NGEF: variants seen among roughly 807,000 people sequenced by gnomAD.
NGEF encodes the protein neuronal guanine nucleotide exchange factor.
NGEF carries 31 observed loss-of-function variants against 80.9 expected under a neutral mutation model. The ratio of observed to expected loss-of-function variants is 0.38; its 90% CI spans 0.29 to 0.52. NGEF has a LOEUF of 0.52. Among genes scored for constraint, NGEF ranks in the 20% least tolerant of loss-of-function variants. The pLI is 0.84. For synonymous variants in NGEF, 371 were observed against 370.2 expected, an observed-to-expected ratio of 1.00 and a Z score of -0.03; for missense variants, 709 against 926.2, an observed-to-expected ratio of 0.77 and a Z score of 3.04.
intron 5 of NGEF, among the ~76,000 whole-genome samples, chr2:232,915,103 G>A (rs1323560994): frequency 2.6e-5 from 4 of 151,842 alleles, no homozygotes; most frequent in Non-Finnish European, 5.9e-5. Flanking sequence ...AGTAACCCCA[G>A]ACCCTCCTGG....
chr2:232,991,918 A>C (rs886456841), intron 1 of NGEF, among the ~76,000 whole-genome samples: 16 of 152,198 alleles, frequency 1.1e-4, no homozygotes, highest in African/African-American at 3.9e-4. Flanking sequence ...TCCATAAATA[A>C]ACTCATACAT....
intron 3 of NGEF, among the ~76,000 whole-genome samples, chr2:232,949,043 C>CA (rs143206265): frequency 3.3e-5 from 5 of 151,564 alleles, no homozygotes; most frequent in African/African-American, 7.3e-5. Context: ...AAAAAACAAA[C>CA]AAAAAAAACC....
intron 1 of NGEF, among the ~76,000 whole-genome samples, chr2:232,978,611 C>T (rs2106326380): frequency 6.6e-6 from 1 of 152,310 alleles, no homozygotes; most frequent in South Asian, 2.1e-4. Flanking sequence ...CCACCACCAC[C>T]ACCAAGATAC....
chr2:232,886,366 C>T lies in NGEF; in HGVS notation c.1348-997G>A, dbSNP rs116934712. 9.3e-5 allele frequency among the ~76,000 whole-genome samples: 14 copies of T among 150,976 alleles called. No homozygotes were observed. The East Asian group carries it at 2.3e-3, about 25-fold the overall frequency. ...TGTGTGATGAGGGGCCATGTGTGTG[C>T]GGTGTGTATTGTGTGTGATATGTAT... On this transcript the variant is annotated intron_variant, in intron 9 of 14. Transcript: ENST00000264051.
At chr2:233,000,043 A>G (rs1471845370) in intron 1 of NGEF, among the ~76,000 whole-genome samples, 1 of 152,232 alleles carries the variant, frequency 6.6e-6, no homozygotes, top group Non-Finnish European at 1.5e-5. Flanking sequence ...CTGTAAGTCC[A>G]AGACCAGGGG....
At chr2:232,974,523 C>G (rs1209187992) in intron 2 of NGEF, 100 bp downstream of exon 2, 2 of 1,389,322 alleles carry the variant, frequency 1.4e-6, no homozygotes, top group Non-Finnish European at 2.0e-6. Context: ...TGGTACTTTT[C>G]AATGCCACTT....
At chr2:232,972,955 C>G (rs1241817437) in intron 2 of NGEF, among the ~76,000 whole-genome samples, 1 of 152,016 alleles carries the variant, frequency 6.6e-6, no homozygotes, top group African/African-American at 2.4e-5. Context: ...TGGAGTTTCA[C>G]CATGTTGGCC....
At position 232,970,169 on chromosome 2, in the gene NGEF, G is replaced by T. The variant is rs561114152; in HGVS notation, c.383+45C>A. On this transcript the variant is annotated intron_variant, in intron 3 of 14. Transcript: ENST00000264051. Reference sequence around the variant, plus strand: ...AGTCTTTGCAGCAATGACCTCTGATGCATCTTTCCCAGACCAGCATTCCTC... The same window carrying T: ...AGTCTTTGCAGCAATGACCTCTGATTCATCTTTCCCAGACCAGCATTCCTC... The T allele has an allele frequency of 1.3e-4, 148 of 1,118,828 alleles. 1 individual carries two copies. In the South Asian group the frequency reaches 1.7e-3, roughly 13 times the overall value. The allele number at this position is 1,118,828 out of a possible 1,614,324, so 69.3% of individuals were successfully genotyped here.
At chr2:232,954,190 C>G (rs1490814271) in intron 3 of NGEF, among the ~76,000 whole-genome samples, 2 of 152,068 alleles carry the variant, frequency 1.3e-5, no homozygotes. Flanking sequence ...CCCTCTCAAG[C>G]TGGGCCCTGG....
intron 3 of NGEF, among the ~76,000 whole-genome samples, chr2:232,956,711 G>T (rs1030103806): frequency 2.0e-5 from 3 of 149,404 alleles, no homozygotes; most frequent in Non-Finnish European, 3.0e-5. Flanking sequence ...GGAGGTGGAG[G>T]TTGCAGTGAG....
chr2:232,920,054 G>A (rs997064524), intron 5 of NGEF, among the ~76,000 whole-genome samples: 2 of 152,356 alleles, frequency 1.3e-5, no homozygotes, highest in South Asian at 4.1e-4. Context: ...AGACAGCAAT[G>A]CTTCAGACGC....
At chr2:232,923,750 C>T (rs527864150) in intron 4 of NGEF, among the ~76,000 whole-genome samples, 1 of 152,250 alleles carries the variant, frequency 6.6e-6, no homozygotes, top group South Asian at 2.1e-4. Context: ...TTCCTTGCCC[C>T]TTGCTAGTAG....
chr2:232,992,210 A>G (rs531007032), intron 1 of NGEF, among the ~76,000 whole-genome samples: 1 of 152,190 alleles, frequency 6.6e-6, no homozygotes, highest in Non-Finnish European at 1.5e-5. Flanking sequence ...AAAAGAAAAT[A>G]AATTGGACGT....
At position 232,948,974 on chromosome 2, in the gene NGEF, C is replaced by T. The variant is rs765369287; in HGVS notation, c.383+21240G>A. ...CAGAGGTTGCAGTGAGCCAAGATCA[C>T]GCCATTGCACTCCAGCCTGGGCAAC... On this transcript the variant is annotated intron_variant, in intron 3 of 14. Coordinates refer to ENST00000264051, the MANE Select transcript of NGEF (RefSeq NM_019850.3). 5.3e-5 allele frequency among the ~76,000 whole-genome samples: 8 copies of T among 152,152 alleles called. No individual in the cohort carries two copies. In the South Asian group the frequency reaches 6.2e-4, roughly 12 times the overall value.
At chr2:232,969,219 G>GA (rs1203786551) in intron 3 of NGEF, among the ~76,000 whole-genome samples, 3 of 151,654 alleles carry the variant, frequency 2.0e-5, no homozygotes, top group Non-Finnish European at 2.9e-5. Context: ...TAAACATATA[G>GA]AAAAAAAAGA....
At chr2:232,958,400 G>T (rs1176206364) in intron 3 of NGEF, among the ~76,000 whole-genome samples, 6 of 152,172 alleles carry the variant, frequency 3.9e-5, no homozygotes, top group Admixed American at 2.0e-4. Context: ...AGTCTGCACA[G>T]GTGTATCTTC....
rs1184983947 is a variant in NGEF at position 232,979,383 on chromosome 2, CACACACACACACAG to C, written c.-74-4433_-74-4420del. 2.7e-3 allele frequency among the ~76,000 whole-genome samples: 238 copies of C among 88,558 alleles called. 3 individuals are homozygous for C. Among genetic ancestry groups the C allele is most frequent in the South Asian group, 0.01 (32 of 3,100 alleles). 58.1% of individuals were successfully genotyped at this position (88,558 alleles called of 152,430 possible). A position where few individuals can be genotyped will look rare whatever the true frequency, so the allele number is the denominator to read the frequency against. ...ACACACACACACACACACACACACA[CACACACACACACAG>C]GAAGAGATTGTAAAACTATCTGTAA... is the stretch of plus-strand genomic sequence containing the variant. On this transcript the variant is annotated intron_variant, in intron 1 of 14. Coordinates refer to ENST00000264051, the MANE Select transcript of NGEF (RefSeq NM_019850.3).
At chr2:232,960,749 A>G (rs572419828) in intron 3 of NGEF, among the ~76,000 whole-genome samples, 6 of 152,304 alleles carry the variant, frequency 3.9e-5, no homozygotes, top group African/African-American at 1.4e-4. Flanking sequence ...GTGGTGGTGC[A>G]TGCCTGTAAT....
chr2:232,965,470 A>T (rs1271210597), intron 3 of NGEF, among the ~76,000 whole-genome samples: 1 of 152,152 alleles, frequency 6.6e-6, no homozygotes, highest in Non-Finnish European at 1.5e-5. Context: ...AGTTATGTGG[A>T]TGACAGACCT....
Sources: allele counts gnomAD v4.1 joint callset (sites outside exome capture counted in the v4.1 genomes callset), GRCh38; gene constraint gnomAD v4.1.1; transcripts MANE v1.5; gene names NCBI Gene and HGNC (gene_info 2026-07-23, HGNC 2026-07-21).